BFSP1: variants seen among roughly 807,000 people sequenced by gnomAD.
The protein encoded by BFSP1 is filensin.
In BFSP1, 38 loss-of-function variants were observed where a neutral mutation model predicts 43.9. The ratio of observed to expected loss-of-function variants is 0.87; its 90% CI spans 0.67 to 1.14. The LOEUF is 1.14. Ranked by LOEUF, BFSP1 falls within the 50% of genes most tolerant of loss-of-function variation. The probability of loss-of-function intolerance (pLI) is 0.00; values close to 1 mark genes in which losing one functional copy is unlikely to be tolerated. For synonymous variants in BFSP1, 352 were observed against 354.8 expected, an observed-to-expected ratio of 0.99 and a Z score of 0.09; for missense variants, 850 against 875.1, an observed-to-expected ratio of 0.97 and a Z score of 0.36.
At position 17,499,002 on chromosome 20, in the gene BFSP1, C is replaced by G. The variant is rs1234052796; in HGVS notation, c.774G>C (p.Glu258Asp). The G allele has an allele frequency of 6.2e-7, 1 of 1,614,168 alleles. No homozygotes were observed. The highest frequency in any genetic ancestry group is 8.5e-7 in the Non-Finnish European group (1 of 1,180,030). Reference sequence around the variant, plus strand: ...AAAGCTGAATCTCATCGTCATAACACTCATGGGCACTTTTAATAGCTTGTT... The same window carrying G: ...AAAGCTGAATCTCATCGTCATAACAGTCATGGGCACTTTTAATAGCTTGTT... ...TLEQAIKSAH[E>D]CYDDEIQLYN... is the part of the protein sequence containing the mutation. Residue 258 changes from glutamate (E) to aspartate (D), a missense_variant, in exon 6 of 8, where the codon GAG becomes GAC. Coordinates refer to ENST00000377873, the MANE Select transcript of BFSP1 (RefSeq NM_001195.5).
chr20:17,504,912 T>TTTTG (rs1431085771), intron 5 of BFSP1, among the ~76,000 whole-genome samples: 1 of 77,816 alleles, frequency 1.3e-5, no homozygotes, highest in Non-Finnish European at 2.7e-5. Context: ...AAGGTTTTTT[T>TTTTG]TTTGTTTTTG....
Position 17,531,161 on chromosome 20 carries a change from G to T in BFSP1, c.169C>A (p.Arg57=). ...LGERVAAHVQ[R]ARALEQRHAG... Reference sequence around the variant, plus strand: ...TGGCGCTGCTCGAGGGCGCGGGCCCGCTGGACGTGGGCGGCCACGCGCTCG... The same window carrying T: ...TGGCGCTGCTCGAGGGCGCGGGCCCTCTGGACGTGGGCGGCCACGCGCTCG... The change falls in exon 1 of 8, where the codon CGG becomes AGG. Residue 57 remains arginine, a synonymous_variant. Coordinates refer to ENST00000377873, the MANE Select transcript of BFSP1 (RefSeq NM_001195.5). 7.7e-7 allele frequency: 1 copy of T among 1,298,228 alleles called. No individual in the cohort carries two copies. 80.4% of individuals were successfully genotyped at this position (1,298,228 alleles called of 1,614,324 possible). A position where few individuals can be genotyped will look rare whatever the true frequency, so the allele number is the denominator to read the frequency against.
At chr20:17,534,188 A>G (rs2034592792), upstream of BFSP1, among the ~76,000 whole-genome samples, 1 of 152,248 alleles carries the variant, frequency 6.6e-6, no homozygotes, top group Non-Finnish European at 1.5e-5. Context: ...ACATGTTCGT[A>G]GAGATAGATT....
Position 17,524,859 on chromosome 20 carries a change from G to A in BFSP1, c.427C>T (p.Arg143Trp), listed in dbSNP as rs748876889. The change falls in exon 2 of 8, where the codon CGG (arginine) becomes TGG (tryptophan). Residue 143 changes from arginine to tryptophan, a missense_variant. By Grantham distance (101) the Arg-to-Trp change is moderately radical. Coordinates refer to ENST00000377873, the MANE Select transcript of BFSP1 (RefSeq NM_001195.5). ...TGTGTTCCGCTCACCTTGTTAAGCC[G>A]TTCAAGCATTTCTTTTAGCAGGAGT... Reference protein sequence around the residue: ...CQLLLKEMLERLNKEADEALL... With the variant: ...CQLLLKEMLEWLNKEADEALL... The A allele has an allele frequency of 8.1e-6, 13 of 1,614,028 alleles. No individual in the cohort carries two copies. Among genetic ancestry groups the A allele is most frequent in the South Asian group, 3.3e-5 (3 of 91,078 alleles).
Position 17,494,537 on chromosome 20 carries a change from G to A in BFSP1, c.1535C>T (p.Pro512Leu). 6.2e-7 allele frequency: 1 copy of A among 1,614,172 alleles called. No homozygotes were observed. Among genetic ancestry groups the A allele is most frequent in the Non-Finnish European group, 8.5e-7 (1 of 1,180,038 alleles). The change falls in exon 8 of 8, where the codon CCC becomes CTC. Residue 512 changes from proline (P) to leucine (L), a missense_variant. Transcript: ENST00000377873. ...AGGGGGCTTGGGTGACTCAGGAGAGGGCTCCACCTGGCCGTCATAAAGCAC... is the reference window on the plus strand; with the variant it reads ...AGGGGGCTTGGGTGACTCAGGAGAGAGCTCCACCTGGCCGTCATAAAGCAC... ...DSVLYDGQVE[P>L]SPESPKPPLE...
chr20:17,505,919 G>A (rs2033926519), intron 5 of BFSP1, among the ~76,000 whole-genome samples: 1 of 152,194 alleles, frequency 6.6e-6, no homozygotes, highest in Non-Finnish European at 1.5e-5. Context: ...TTTCCCCTTG[G>A]TGCTACACCC....
At chr20:17,524,707 C>G in intron 2 of BFSP1, 141 bp downstream of exon 2, 2 of 839,316 alleles carry the variant, frequency 2.4e-6, no homozygotes, top group Admixed American at 4.1e-5. Context: ...TTGAAATTAA[C>G]AAGTCAAGAG....
At chr20:17,522,718 C>T (rs2034342800) in intron 2 of BFSP1, among the ~76,000 whole-genome samples, 1 of 152,230 alleles carries the variant, frequency 6.6e-6, no homozygotes, top group Admixed American at 6.5e-5. Context: ...ATCAGGGATT[C>T]AGCACCACCA....
At chr20:17,559,943 G>A (rs754829481), upstream of BFSP1, among the ~76,000 whole-genome samples, 3 of 152,050 alleles carry the variant, frequency 2.0e-5, no homozygotes, top group Non-Finnish European at 4.4e-5. Context: ...AAATATTGGA[G>A]CAAAACAGTT....
rs141114090 is a variant in BFSP1, at chr20:17,530,043, C to T, written c.377+910G>A. 2.7e-3 allele frequency among the ~76,000 whole-genome samples: 406 copies of T among 152,268 alleles called. 3 individuals are homozygous for T. The highest frequency in any genetic ancestry group is 9.4e-3 in the African/African-American group (389 of 41,548). On this transcript the variant is annotated intron_variant, in intron 1 of 7. Transcript: ENST00000377873. ...CCCTGGACCAGTGCTGCTTAGTCAA[C>T]ATTTAACTTTTTAAACTGAAAATCA...
intron 1 of BFSP1, among the ~76,000 whole-genome samples, chr20:17,551,329 G>T (rs1457161064): frequency 6.6e-6 from 1 of 152,138 alleles, no homozygotes; most frequent in African/African-American, 2.4e-5. Context: ...GCAGAGAGGT[G>T]CCACACACTT....
upstream of BFSP1, among the ~76,000 whole-genome samples, chr20:17,559,171 T>C (rs78529812): frequency 4.1e-3 from 622 of 152,306 alleles, 7 homozygotes; most frequent in African/African-American, 0.014. Flanking sequence ...ACATGGATAG[T>C]TGGGAGAACC....
intron 1 of BFSP1, among the ~76,000 whole-genome samples, chr20:17,530,152 G>C (rs2034503551): frequency 6.6e-6 from 1 of 152,174 alleles, no homozygotes; most frequent in African/African-American, 2.4e-5. Flanking sequence ...AAACTCCCGG[G>C]TGATGCCAAT....
At chr20:17,539,933 G>A (rs1008490095) in intron 1 of BFSP1, among the ~76,000 whole-genome samples, 9 of 152,130 alleles carry the variant, frequency 5.9e-5, no homozygotes, top group African/African-American at 2.2e-4. Flanking sequence ...TGAAATTGGG[G>A]GGGACAACAA....
intron 1 of BFSP1, among the ~76,000 whole-genome samples, chr20:17,540,198 G>C (rs1310199832): frequency 6.6e-6 from 1 of 151,038 alleles, no homozygotes; most frequent in African/African-American, 2.4e-5. Context: ...TTGGTAAGGA[G>C]CTACAAGTGA....
In BFSP1 at chr20:17,507,741, C is replaced by T. The variant is rs902175756; in HGVS notation, c.735+1148G>A. On this transcript the variant is annotated intron_variant, in intron 5 of 7. Coordinates refer to ENST00000377873, the MANE Select transcript of BFSP1 (RefSeq NM_001195.5). The surrounding 1 kb of genome is among the most constrained non-coding windows in gnomAD (Gnocchi z 4.4). ...ACAGGCCCCAGTCACCAGGATGAGG[C>T]ACATGGTCCCTGAGCCAGGGTTTGT... Among the ~76,000 whole-genome samples, 1 of 152,198 alleles carries T rather than the reference C, an allele frequency of 6.6e-6. No homozygotes were observed. Among genetic ancestry groups the T allele is most frequent in the Non-Finnish European group, 1.5e-5 (1 of 68,040 alleles).
At chr20:17,557,166 A>G (rs1171761692) in intron 1 of BFSP1, among the ~76,000 whole-genome samples, 1 of 152,210 alleles carries the variant, frequency 6.6e-6, no homozygotes, top group Non-Finnish European at 1.5e-5. Flanking sequence ...TGGAAAAGCA[A>G]AGGGAGGGCA....
chr20:17,500,826 G>A (rs943610046), intron 5 of BFSP1, among the ~76,000 whole-genome samples: 3 of 152,138 alleles, frequency 2.0e-5, no homozygotes, highest in East Asian at 1.9e-4. Context: ...AGTAGAGGCC[G>A]AGATATCATG....
Position 17,548,318 on chromosome 20 carries a change from C to A in BFSP1, c.2+10370G>T, listed in dbSNP as rs371596004. ...AATTATGGTACGATCAATTTATTTACAAAATAAGTTTTAGTCTTACTATTC... is the reference window on the plus strand; with the variant it reads ...AATTATGGTACGATCAATTTATTTAAAAAATAAGTTTTAGTCTTACTATTC... On this transcript the variant is annotated intron_variant, in intron 1 of 7. Coordinates refer to the BFSP1 transcript ENST00000377868. 4.9e-4 allele frequency among the ~76,000 whole-genome samples: 75 copies of A among 151,914 alleles called. 1 individual carries two copies. In the South Asian group the frequency reaches 0.014, roughly 29 times the overall value.
Sources: allele counts gnomAD v4.1 joint callset (sites outside exome capture counted in the v4.1 genomes callset), GRCh38; gene constraint gnomAD v4.1.1; non-coding constraint Gnocchi (gnomAD v3.1); transcripts MANE v1.5; gene names NCBI Gene and HGNC (gene_info 2026-07-23, HGNC 2026-07-21).